FBXL2: variants seen among roughly 807,000 people sequenced by gnomAD.
FBXL2 encodes F-box and leucine rich repeat protein 2.
In FBXL2, 38 loss-of-function variants were observed where a neutral mutation model predicts 69.2. The observed-to-expected ratio is 0.55, with a 90% CI of 0.42 to 0.72. The LOEUF (loss-of-function observed/expected upper bound fraction) is 0.72, where lower values mean the gene tolerates loss of function less well. Ranked by LOEUF, FBXL2 falls within the 30% of genes least tolerant of loss-of-function variation. The pLI, the probability that FBXL2 is intolerant of heterozygous loss-of-function variation, is 0.00. For missense variants in FBXL2, 354 were observed against 520.3 expected (o/e 0.68, Z 3.11); for synonymous variants, 192 against 201.3 (o/e 0.95, Z 0.39).
chr3:33,358,905 G>A, intron 2 of FBXL2, 62 bp from the exon 3 acceptor site: 3 of 1,090,912 alleles, frequency 2.7e-6, no homozygotes, highest in Non-Finnish European at 3.9e-6. Flanking sequence ...TATCTTTCAA[G>A]TTATAATTAT....
intron 4 of FBXL2, among the ~76,000 whole-genome samples, chr3:33,360,917 A>ATT (rs2041568354): frequency 4.5e-5 from 5 of 111,590 alleles, no homozygotes; most frequent in East Asian, 2.8e-4. Flanking sequence ...CACATGAAGA[A>ATT]CTTTTTTTTT....
chr3:33,380,969 CACTT>C (rs1330992149), intron 13 of FBXL2, among the ~76,000 whole-genome samples: 1 of 152,146 alleles, frequency 6.6e-6, no homozygotes, highest in African/African-American at 2.4e-5. Flanking sequence ...GGAATAATGA[CACTT>C]ACTCTGCAGA....
intron 1 of FBXL2, among the ~76,000 whole-genome samples, chr3:33,285,296 C>A (rs368443075): frequency 6.6e-6 from 1 of 152,118 alleles, no homozygotes; most frequent in Non-Finnish European, 1.5e-5. Context: ...TCCTTCACTT[C>A]TGAAGCTTAG....
chr3:33,384,744 A>C (rs1390890085), intron 14 of FBXL2, among the ~76,000 whole-genome samples: 1 of 152,106 alleles, frequency 6.6e-6, no homozygotes, highest in Non-Finnish European at 1.5e-5. Flanking sequence ...AGCCCTTATA[A>C]GAAAGCCTAT....
chr3:33,300,017 G>A (rs2036125887), intron 2 of FBXL2, among the ~76,000 whole-genome samples: 1 of 152,016 alleles, frequency 6.6e-6, no homozygotes, highest in Non-Finnish European at 1.5e-5. Context: ...CTTGCAGTCT[G>A]GGTCTGAACA....
At chr3:33,314,311 A>C (rs569449192) in intron 2 of FBXL2, among the ~76,000 whole-genome samples, 1 of 152,230 alleles carries the variant, frequency 6.6e-6, no homozygotes, top group East Asian at 1.9e-4. Context: ...CGTTTGACCA[A>C]CATCTCCCCA....
chr3:33,353,960 T>C (rs1035001129), intron 2 of FBXL2, among the ~76,000 whole-genome samples: 1 of 152,186 alleles, frequency 6.6e-6, no homozygotes, highest in African/African-American at 2.4e-5. Context: ...AACATGTTGT[T>C]GACAGTAAAC....
At chr3:33,393,205 CT>C in intron 12 of FBXL2, 7 of 1,153,604 alleles carry the variant, frequency 6.1e-6, no homozygotes, top group Non-Finnish European at 8.3e-6. Context: ...GAAAATGATT[CT>C]CATAAGTATT....
At chr3:33,408,759 A>T in the FBXL2 span, 1 of 1,614,028 alleles carries the variant, frequency 6.2e-7, no homozygotes, top group East Asian at 2.2e-5. Context: ...TTTTCTGCTC[A>T]TGTTCAACTG....
chr3:33,328,877 T>C (rs957356527), intron 2 of FBXL2, among the ~76,000 whole-genome samples: 1 of 150,798 alleles, frequency 6.6e-6, no homozygotes, highest in African/African-American at 2.4e-5. Context: ...AAATAGACAA[T>C]TGGGATTACA....
At chr3:33,365,424 C>T (rs1258121640) in intron 5 of FBXL2, among the ~76,000 whole-genome samples, 2 of 151,930 alleles carry the variant, frequency 1.3e-5, no homozygotes, top group African/African-American at 2.4e-5. Flanking sequence ...GGATTACAGG[C>T]GTGCACCACC....
intron 13 of FBXL2, among the ~76,000 whole-genome samples, chr3:33,381,538 C>T (rs970905408): frequency 6.6e-6 from 1 of 151,820 alleles, no homozygotes; most frequent in African/African-American, 2.4e-5. Flanking sequence ...GCAGGAGAAC[C>T]GCTTGAACCT....
At position 33,384,156 on chromosome 3, in the gene FBXL2, G is replaced by A; in HGVS notation, c.1119G>A (p.Leu373=). ...ENCRGLERLE[L]YDCQQVTRAG... is the part of the protein sequence containing the mutation. The stretch of plus-strand genomic sequence containing the variant: ...GCCGAGGCCTGGAGCGCCTCGAGCT[G>A]TACGACTGCCAGCAGGTTACCCGTG... The change falls in exon 14 of 15, where the codon CTG becomes CTA. Residue 373 remains leucine, a synonymous_variant. Coordinates refer to ENST00000484457, the MANE Select transcript of FBXL2 (RefSeq NM_012157.5). 1 of 1,614,158 alleles carries A rather than the reference G, an allele frequency of 6.2e-7. No individual in the cohort carries two copies. Among genetic ancestry groups the A allele is most frequent in the South Asian group, 1.1e-5 (1 of 91,084 alleles).
Position 33,385,582 on chromosome 3 carries a change from C to A in FBXL2, c.1246C>A (p.Leu416Met). 1 of 1,614,128 alleles carries A rather than the reference C, an allele frequency of 6.2e-7. No homozygotes were observed. The highest frequency in any genetic ancestry group is 1.1e-5 in the South Asian group (1 of 91,066). Residue 416 changes from leucine (L) to methionine (M), a missense_variant, in exon 15 of 15, where the codon CTG (leucine) becomes ATG (methionine). Physicochemically the swap from Leu to Met is conservative, Grantham distance 15. Coordinates refer to ENST00000484457, the MANE Select transcript of FBXL2 (RefSeq NM_012157.5). ...PTAVAGSGQR[L>M]CRCCVIL is the part of the protein sequence containing the mutation. ...AGCAGTGGCAGGAAGTGGACAGCGA[C>A]TGTGCAGGTGCTGTGTCATTCTCTG...
the FBXL2 span, among the ~76,000 whole-genome samples, chr3:33,418,354 A>AGCCACT: frequency 6.6e-6 from 1 of 151,976 alleles, no homozygotes; most frequent in South Asian, 2.1e-4. Context: ...CCCAGGTTCA[A>AGCCACT]GCAATTCTCC....
Position 33,373,931 on chromosome 3 carries a change from G to T in FBXL2, c.657+10G>T. 6.2e-7 allele frequency: 1 copy of T among 1,613,588 alleles called. No homozygotes were observed. The highest frequency in any genetic ancestry group is 1.1e-5 in the South Asian group (1 of 91,072). Reference sequence around the variant, plus strand: ...CTTGCAGTCCTGCTCAGTAAGTAGCGTGCCTTTCCTGAACACTGTTTGCTC... The same window carrying T: ...CTTGCAGTCCTGCTCAGTAAGTAGCTTGCCTTTCCTGAACACTGTTTGCTC... On this transcript the variant is annotated intron_variant, in intron 9 of 14. Coordinates refer to ENST00000484457, the MANE Select transcript of FBXL2 (RefSeq NM_012157.5).
At chr3:33,294,201 A>G (rs1000154138) in intron 1 of FBXL2, among the ~76,000 whole-genome samples, 2 of 152,128 alleles carry the variant, frequency 1.3e-5, no homozygotes, top group African/African-American at 4.8e-5. Flanking sequence ...GGCTCAAGCT[A>G]TCCTCCTGCC....
chr3:33,365,451 T>G (rs577316628), intron 5 of FBXL2, among the ~76,000 whole-genome samples: 1 of 152,222 alleles, frequency 6.6e-6, no homozygotes, highest in South Asian at 2.1e-4. Context: ...AGCTAATTTT[T>G]GTATTTTTAG....
the FBXL2 span, among the ~76,000 whole-genome samples, chr3:33,421,362 T>TC: frequency 6.6e-6 from 1 of 152,128 alleles, no homozygotes; most frequent in Non-Finnish European, 1.5e-5. Flanking sequence ...AACCTCCACC[T>TC]CCCAGGTTCA....
Sources: gnomAD v4.1 joint callset for allele counts (sites outside exome capture counted in the v4.1 genomes callset) on GRCh38, gnomAD v4.1.1 for gene constraint, MANE v1.5 for transcripts, NCBI Gene and HGNC (gene_info 2026-07-23, HGNC 2026-07-21) for gene names.